Variants in KCNH7 observed in about 807,000 individuals in gnomAD.
The protein encoded by KCNH7 is potassium voltage-gated channel subfamily H member 7, also known as voltage-gated inwardly rectifying potassium channel KCNH7.
Under a neutral mutation model 120.8 loss-of-function variants are expected in KCNH7, and 49 were observed. The ratio of observed to expected loss-of-function variants is 0.41; its 90% CI spans 0.32 to 0.51. The LOEUF (loss-of-function observed/expected upper bound fraction) is 0.51, where lower values mean the gene tolerates loss of function less well. Ranked by LOEUF, KCNH7 falls within the 20% of genes least tolerant of loss-of-function variation. The probability of loss-of-function intolerance (pLI) is 0.38; values close to 1 mark genes in which losing one functional copy is unlikely to be tolerated. For missense variants in KCNH7, 1,097 were observed against 1,446.6 expected, an observed-to-expected ratio of 0.76 and a Z score of 3.92; for synonymous variants, 547 against 516.1, an observed-to-expected ratio of 1.06 and a Z score of -0.81.
chr2:162,549,883 T>C (rs1378822214), intron 2 of KCNH7, among the ~76,000 whole-genome samples: 1 of 152,138 alleles, frequency 6.6e-6, no homozygotes, highest in Non-Finnish European at 1.5e-5. Context: ...TAGGAAAACA[T>C]AGTTAAGAAG....
intron 2 of KCNH7, among the ~76,000 whole-genome samples, chr2:162,659,099 T>C (rs914599032): frequency 1.3e-5 from 2 of 152,222 alleles, no homozygotes; most frequent in African/African-American, 4.8e-5. Flanking sequence ...ATGGCAGCTT[T>C]AGATAATTTT....
chr2:162,746,528 C>A (rs886129644), intron 2 of KCNH7, among the ~76,000 whole-genome samples: 1 of 152,054 alleles, frequency 6.6e-6, no homozygotes, highest in African/African-American at 2.4e-5. Context: ...TCTCACACTG[C>A]CAGACTTTAC....
chr2:162,746,960 A>G (rs1011806318), intron 2 of KCNH7, among the ~76,000 whole-genome samples: 1 of 152,122 alleles, frequency 6.6e-6, no homozygotes, highest in Admixed American at 6.5e-5. Context: ...ATAATTAAAA[A>G]TCTAGATTTT....
intron 2 of KCNH7, among the ~76,000 whole-genome samples, chr2:162,621,550 T>C (rs906063530): frequency 1.3e-5 from 2 of 152,162 alleles, no homozygotes; most frequent in African/African-American, 2.4e-5. Context: ...ATTGATTATG[T>C]ACCACTTGCT....
intron 3 of KCNH7, among the ~76,000 whole-genome samples, chr2:162,521,654 G>A (rs1032132159): frequency 7.2e-5 from 11 of 151,800 alleles, no homozygotes; most frequent in African/African-American, 2.4e-4. Flanking sequence ...TTTATGAAGT[G>A]CATGTGATAT....
chr2:162,576,697 G>A (rs1253895412), intron 2 of KCNH7, among the ~76,000 whole-genome samples: 1 of 151,814 alleles, frequency 6.6e-6, no homozygotes, highest in African/African-American at 2.4e-5. Context: ...ACGAAAACAA[G>A]TGGTAAAACA....
At chr2:162,439,631 G>T (rs1002443345) in intron 7 of KCNH7, among the ~76,000 whole-genome samples, 1 of 151,846 alleles carries the variant, frequency 6.6e-6, no homozygotes, top group Non-Finnish European at 1.5e-5. Flanking sequence ...CAATATTATT[G>T]TTTTTAATCT....
intron 9 of KCNH7, among the ~76,000 whole-genome samples, chr2:162,405,817 C>A (rs1474264060): frequency 6.6e-6 from 1 of 151,740 alleles, no homozygotes; most frequent in Non-Finnish European, 1.5e-5. Flanking sequence ...TGTTGGAGCA[C>A]AAATGGAAAA....
At chr2:162,572,535 TC>T (rs547710890) in intron 2 of KCNH7, among the ~76,000 whole-genome samples, 142 of 80,104 alleles carry the variant, frequency 1.8e-3, no homozygotes, top group African/African-American at 8.1e-3. Context: ...GACCCAGCCA[TC>T]CCATTACTGG....
intron 2 of KCNH7, among the ~76,000 whole-genome samples, chr2:162,757,005 A>T (rs1383663638): frequency 1.3e-5 from 2 of 152,210 alleles, no homozygotes; most frequent in African/African-American, 4.8e-5. Flanking sequence ...GGTAAAATTA[A>T]GTCCTGTGTA....
rs116071104 is a variant in KCNH7 at position 162,574,899 on chromosome 2, G to A, written c.308-37819C>T. 4.6e-3 allele frequency among the ~76,000 whole-genome samples: 699 copies of A among 152,152 alleles called. 7 individuals are homozygous for A. The highest frequency in any genetic ancestry group is 0.016 in the African/African-American group (665 of 41,536). The stretch of plus-strand genomic sequence containing the variant: ...AACATTAACTATTGTTGCTTCTTAC[G>A]ATCACATGTATTTCAGGTGGAATGC... On this transcript the variant is annotated intron_variant, in intron 2 of 15. Coordinates refer to ENST00000332142, the MANE Select transcript of KCNH7 (RefSeq NM_033272.4).
At chr2:162,659,394 T>C (rs1684879467) in intron 2 of KCNH7, among the ~76,000 whole-genome samples, 1 of 150,978 alleles carries the variant, frequency 6.6e-6, no homozygotes, top group African/African-American at 2.4e-5. Context: ...CAGGCTGGAG[T>C]GCAGTAGCAC....
chr2:162,391,902 G>T (rs1037669493), intron 12 of KCNH7, among the ~76,000 whole-genome samples: 5 of 152,078 alleles, frequency 3.3e-5, no homozygotes, highest in South Asian at 4.1e-4. Context: ...AATAGTAGTG[G>T]TTCTGATTTT....
chr2:162,833,621 A>C (rs1254089618), intron 2 of KCNH7, among the ~76,000 whole-genome samples: 1 of 152,174 alleles, frequency 6.6e-6, no homozygotes, highest in African/African-American at 2.4e-5. Context: ...TAGGTTTTTA[A>C]AAATTGATAT....
chr2:162,653,368 T>C (rs1456184036), intron 2 of KCNH7, among the ~76,000 whole-genome samples: 1 of 152,186 alleles, frequency 6.6e-6, no homozygotes, highest in African/African-American at 2.4e-5. Context: ...ACTAATAAAT[T>C]AATTCAGTAA....
intron 2 of KCNH7, among the ~76,000 whole-genome samples, chr2:162,735,953 T>C (rs1185376245): frequency 3.9e-5 from 6 of 152,156 alleles, no homozygotes. Flanking sequence ...ATGGTCAAGA[T>C]AATTGAATGT....
At chr2:162,578,515 T>C (rs1446973744) in intron 2 of KCNH7, among the ~76,000 whole-genome samples, 1 of 151,910 alleles carries the variant, frequency 6.6e-6, no homozygotes, top group African/African-American at 2.4e-5. Flanking sequence ...TCTATGAAGG[T>C]CAGTTCAGTG....
chr2:162,421,113 G>A (rs1687696217), intron 9 of KCNH7, among the ~76,000 whole-genome samples: 1 of 152,072 alleles, frequency 6.6e-6, no homozygotes, highest in African/African-American at 2.4e-5. Flanking sequence ...TGTAGACACT[G>A]TACACAAACA....
chr2:162,422,814 A>G lies in KCNH7; in HGVS notation c.2154+522T>C, dbSNP rs141615126. Among the ~76,000 whole-genome samples the G allele has an allele frequency of 1.1e-4, 16 of 152,288 alleles. No individual in the cohort carries two copies. The East Asian group carries it at 3.1e-3, about 29-fold the overall frequency. On this transcript the variant is annotated intron_variant, in intron 9 of 15. Transcript: ENST00000332142. ...GGGCACAGCGTAGATTGTTTAAAATATAGAAAAAAAATTCTTAAAAGTGTG... is the reference window on the plus strand; with the variant it reads ...GGGCACAGCGTAGATTGTTTAAAATGTAGAAAAAAAATTCTTAAAAGTGTG...
Sources: allele counts gnomAD v4.1 joint callset (sites outside exome capture counted in the v4.1 genomes callset), GRCh38; gene constraint gnomAD v4.1.1; transcripts MANE v1.5; gene names NCBI Gene and HGNC (gene_info 2026-07-23, HGNC 2026-07-21).